The following CLVS1 variants were observed in gnomAD, a reference collection of about 807,000 sequenced individuals.
CLVS1 encodes clavesin 1.
CLVS1 carries 10 observed loss-of-function variants against 33.1 expected under a neutral mutation model. That is an observed-to-expected ratio of 0.30 (90% CI 0.19 to 0.51). The LOEUF is 0.51. CLVS1 is among the 20% of genes least tolerant of loss of function. CLVS1 has a pLI of 0.97. For missense variants in CLVS1, 343 were observed against 433.4 expected (o/e 0.79, Z 1.85); for synonymous variants, 163 against 166.1 (o/e 0.98, Z 0.14).
intron 2 of CLVS1, among the ~76,000 whole-genome samples, chr8:61,358,278 T>G (rs1368020991): frequency 6.6e-6 from 1 of 152,254 alleles, no homozygotes; most frequent in Non-Finnish European, 1.5e-5. Context: ...TCCTTTCCTA[T>G]GTTAGTCATT....
chr8:61,204,902 T>C (rs867401581), intron 2 of CLVS1, among the ~76,000 whole-genome samples: 54 of 152,222 alleles, frequency 3.5e-4, no homozygotes, highest in African/African-American at 1.3e-3. Context: ...TAAACTGCCA[T>C]TTGAGGATGT....
chr8:61,408,642 T>G (rs533062211), intron 3 of CLVS1, among the ~76,000 whole-genome samples: 1 of 152,324 alleles, frequency 6.6e-6, no homozygotes. Context: ...TATAAACCAC[T>G]GTTTATAAGT....
chr8:61,031,984 G>T, the CLVS1 span, among the ~76,000 whole-genome samples: 1 of 152,128 alleles, frequency 6.6e-6, no homozygotes, highest in African/African-American at 2.4e-5. Context: ...AAAATATGGG[G>T]GCAATATAAT....
At chr8:61,142,821 G>A (rs993851782) in intron 2 of CLVS1, among the ~76,000 whole-genome samples, 4 of 152,128 alleles carry the variant, frequency 2.6e-5, no homozygotes, top group Non-Finnish European at 5.9e-5. Context: ...GTTCTGATCT[G>A]GTGATATTTT....
chr8:61,015,245 G>T, the CLVS1 span, among the ~76,000 whole-genome samples: 1 of 152,204 alleles, frequency 6.6e-6, no homozygotes, highest in South Asian at 2.1e-4. Context: ...AACCTATGAG[G>T]TATTTACTAG....
At chr8:61,393,959 G>A (rs1453966242) in intron 3 of CLVS1, among the ~76,000 whole-genome samples, 1 of 152,206 alleles carries the variant, frequency 6.6e-6, no homozygotes, top group African/African-American at 2.4e-5. Flanking sequence ...GGAATTGCCT[G>A]CAATGCAATT....
At chr8:61,262,988 G>A (rs1445994871) in intron 2 of CLVS1, among the ~76,000 whole-genome samples, 1 of 152,184 alleles carries the variant, frequency 6.6e-6, no homozygotes, top group Admixed American at 6.5e-5. Context: ...TAAACCTGCT[G>A]TGCCACATTG....
At chr8:61,392,509 T>C (rs1015130198) in intron 3 of CLVS1, among the ~76,000 whole-genome samples, 16 of 152,144 alleles carry the variant, frequency 1.1e-4, no homozygotes, top group African/African-American at 3.6e-4. Flanking sequence ...CCTCAGCCTG[T>C]AGTATTGCCA....
chr8:61,018,139 G>A, the CLVS1 span, among the ~76,000 whole-genome samples: 1 of 152,148 alleles, frequency 6.6e-6, no homozygotes. Context: ...TCTAACGTAT[G>A]CATTATCACC....
chr8:61,458,197 G>T, intron 4 of CLVS1, 110 bp from the exon 5 acceptor site: 1 of 733,854 alleles, frequency 1.4e-6, no homozygotes, highest in Non-Finnish European at 2.3e-6. Flanking sequence ...TAAACACTGT[G>T]ATCACCAGCA....
rs537231612 is a variant in CLVS1, at chr8:61,442,844, C to T, written c.631-11297C>T. Among the ~76,000 whole-genome samples the T allele has an allele frequency of 6.6e-5, 10 of 152,234 alleles. No individual in the cohort carries two copies. The East Asian group carries it at 1.4e-3, about 21-fold the overall frequency. Reference sequence around the variant, plus strand: ...CAAACTCCTGACCTCGTGATCCGCCCGCGTTGGCCTCCTGAAGTGCTGGGA... The same window carrying T: ...CAAACTCCTGACCTCGTGATCCGCCTGCGTTGGCCTCCTGAAGTGCTGGGA... On this transcript the variant is annotated intron_variant, in intron 3 of 5. Transcript: ENST00000325897.
rs149002772 is a variant in CLVS1 at position 61,234,453 on chromosome 8, C to T, written c.-151-65224C>T. Among the ~76,000 whole-genome samples, 307 of 152,250 alleles carry T rather than the reference C, an allele frequency of 2.0e-3. 1 individual carries two copies. Among genetic ancestry groups the T allele is most frequent in the African/African-American group, 5.6e-3 (231 of 41,538 alleles). On this transcript the variant is annotated intron_variant, in intron 2 of 2. Coordinates refer to the CLVS1 transcript ENST00000522621. ...TCAGGGTACACAACACAGAAAGACA[C>T]GTCCTTTTTCTCATGTTGAGGACAA...
chr8:61,177,206 G>A (rs895886565), intron 2 of CLVS1, among the ~76,000 whole-genome samples: 4 of 152,168 alleles, frequency 2.6e-5, no homozygotes, highest in South Asian at 2.1e-4. Flanking sequence ...CCAACACACC[G>A]GCTGTGGCAG....
At chr8:61,179,840 A>G (rs1807195680) in intron 2 of CLVS1, among the ~76,000 whole-genome samples, 1 of 152,138 alleles carries the variant, frequency 6.6e-6, no homozygotes, top group East Asian at 1.9e-4. Flanking sequence ...CAGATAAAGC[A>G]GGGTTAAGAG....
intron 2 of CLVS1, among the ~76,000 whole-genome samples, chr8:61,133,791 G>A (rs1435200807): frequency 6.6e-6 from 1 of 152,066 alleles, no homozygotes. Flanking sequence ...TAGTTCAAGG[G>A]CACTTCTGTG....
chr8:61,064,759 T>C (rs1441056024), intron 1 of CLVS1, among the ~76,000 whole-genome samples: 2 of 151,478 alleles, frequency 1.3e-5, no homozygotes, highest in East Asian at 3.9e-4. Context: ...TGGAGTACAG[T>C]GGCATGATCT....
upstream of CLVS1, among the ~76,000 whole-genome samples, chr8:61,285,814 A>T (rs1809765459): frequency 6.6e-6 from 1 of 152,200 alleles, no homozygotes; most frequent in Non-Finnish European, 1.5e-5. Context: ...AGATGTCAGG[A>T]TGATTTTACA....
At chr8:61,458,862 G>A (rs544154093) in intron 5 of CLVS1, among the ~76,000 whole-genome samples, 1 of 152,254 alleles carries the variant, frequency 6.6e-6, no homozygotes, top group East Asian at 1.9e-4. Flanking sequence ...ACACTAGGTG[G>A]AAAAACAACC....
At chr8:61,202,419 A>G (rs1807752846) in intron 2 of CLVS1, 5 of 771,274 alleles carry the variant, frequency 6.5e-6, no homozygotes, top group South Asian at 5.4e-5. Flanking sequence ...GTTGTGAACT[A>G]AAGGCTGACA....
Sources: gnomAD v4.1 joint callset for allele counts (sites outside exome capture counted in the v4.1 genomes callset) on GRCh38, gnomAD v4.1.1 for gene constraint, MANE v1.5 for transcripts, NCBI Gene and HGNC (gene_info 2026-07-23, HGNC 2026-07-21) for gene names.